The following MGMT variants were observed in gnomAD, a reference collection of about 807,000 sequenced individuals.
MGMT encodes O-6-methylguanine-DNA methyltransferase, also known as methylated-DNA--protein-cysteine methyltransferase.
In MGMT, 14 loss-of-function variants were observed where a neutral mutation model predicts 15.9. The ratio of observed to expected loss-of-function variants is 0.88; its 90% confidence interval spans 0.58 to 1.37. The LOEUF is 1.37. Among genes scored for constraint, MGMT ranks in the 40% most tolerant of loss-of-function variants. The pLI, the probability that MGMT is intolerant of heterozygous loss-of-function variation, is 0.00. For missense variants in MGMT, 282 were observed against 268.1 expected (o/e 1.05, Z -0.36); for synonymous variants, 130 against 118.2 (o/e 1.10, Z -0.65).
At chr10:129,720,942 G>GAA (rs5788995) in intron 3 of MGMT, among the ~76,000 whole-genome samples, 87 of 144,232 alleles carry the variant, frequency 6.0e-4, no homozygotes, top group African/African-American at 2.2e-3. Flanking sequence ...ATGTCAGGGG[G>GAA]AAAAAAAAAA....
At chr10:129,477,089 G>C (rs2119626309) in intron 1 of MGMT, among the ~76,000 whole-genome samples, 1 of 152,254 alleles carries the variant, frequency 6.6e-6, no homozygotes, top group African/African-American at 2.4e-5. Flanking sequence ...GGTTGGGTGA[G>C]TGGGGGACTC....
chr10:129,560,954 AGTGTGTGTGTGTGTGTGTGTGTGT>A (rs57984603), intron 2 of MGMT, among the ~76,000 whole-genome samples: 13 of 133,220 alleles, frequency 9.8e-5, no homozygotes, highest in African/African-American at 3.3e-4. Context: ...AGTAAAGAGC[AGTGTGTGTGTGTGTGTGTGTGTGT>A]GTGTGTGTGT....
intron 3 of MGMT, among the ~76,000 whole-genome samples, chr10:129,727,600 A>G (rs1321448056): frequency 6.6e-6 from 1 of 152,220 alleles, no homozygotes; most frequent in Non-Finnish European, 1.5e-5. Context: ...ACTTCCTTTC[A>G]TAGCTGGTCC....
intron 1 of MGMT, among the ~76,000 whole-genome samples, chr10:129,484,801 T>A (rs959098072): frequency 2.6e-5 from 4 of 152,114 alleles, no homozygotes; most frequent in East Asian, 1.9e-4. Context: ...ATGCTTTTTT[T>A]AAAAAAAGGT....
At chr10:129,564,276 TCC>T (rs1490029919) in intron 2 of MGMT, 2 of 51,518 alleles carry the variant, frequency 3.9e-5, no homozygotes, top group Non-Finnish European at 7.6e-5. Context: ...CTCCTCCTCT[TCC>T]CCCTCTCCTT....
intron 3 of MGMT, among the ~76,000 whole-genome samples, chr10:129,728,477 G>A (rs182756718): frequency 4.9e-4 from 75 of 152,188 alleles, no homozygotes; most frequent in Middle Eastern, 3.4e-3. Flanking sequence ...TTCAGGGGTC[G>A]CAGAAGAGGA....
chr10:129,552,256 G>A (rs1320530507), intron 2 of MGMT, among the ~76,000 whole-genome samples: 1 of 152,194 alleles, frequency 6.6e-6, no homozygotes, highest in African/African-American at 2.4e-5. Flanking sequence ...GAACCACTGG[G>A]CCGTGACTGT....
chr10:129,683,675 G>C (rs1164414798), intron 2 of MGMT, among the ~76,000 whole-genome samples: 2 of 152,144 alleles, frequency 1.3e-5, no homozygotes, highest in Non-Finnish European at 2.9e-5. Flanking sequence ...TGTGAACACT[G>C]GGTTTCCTGT....
At chr10:129,743,970 T>C (rs934740098) in intron 3 of MGMT, among the ~76,000 whole-genome samples, 2 of 152,216 alleles carry the variant, frequency 1.3e-5, no homozygotes, top group Non-Finnish European at 2.9e-5. Context: ...CATGCCTGGC[T>C]GGGATGGGAT....
At chr10:129,663,059 G>A (rs9971190) in intron 2 of MGMT, among the ~76,000 whole-genome samples, 56,152 of 152,022 alleles carry the variant, frequency 0.37, 10,951 homozygotes, top group South Asian at 0.44. Flanking sequence ...TCACAGATAC[G>A]TATTGAAATG....
intron 2 of MGMT, among the ~76,000 whole-genome samples, chr10:129,538,406 C>A (rs987372431): frequency 2.0e-5 from 3 of 152,212 alleles, no homozygotes; most frequent in African/African-American, 7.2e-5. Context: ...ATTGCCAAAA[C>A]TTTCTTCAGA....
rs529055562 is a variant in MGMT at position 129,593,112 on chromosome 10, G to A, written c.125+56735G>A. On this transcript the variant is annotated intron_variant, in intron 2 of 4. Coordinates refer to ENST00000651593, the MANE Select transcript of MGMT (RefSeq NM_002412.5). ...GTGTAGGGTGAGGGAGAAGCCCCAA[G>A]CCGTTTCTTCTCAGGGCTCAGGTGT... Among the ~76,000 whole-genome samples, 17 of 152,252 alleles carry A rather than the reference G, an allele frequency of 1.1e-4. No individual in the cohort carries two copies. In the South Asian group the frequency reaches 3.3e-3, roughly 30 times the overall value.
At chr10:129,579,507 A>G (rs975981201) in intron 2 of MGMT, among the ~76,000 whole-genome samples, 3 of 152,232 alleles carry the variant, frequency 2.0e-5, no homozygotes, top group African/African-American at 7.2e-5. Flanking sequence ...CCGTGCCTCC[A>G]TGCCTGCGGC....
chr10:129,620,229 T>A (rs1373599299), intron 2 of MGMT, among the ~76,000 whole-genome samples: 1 of 152,266 alleles, frequency 6.6e-6, no homozygotes, highest in African/African-American at 2.4e-5. Flanking sequence ...TTTTTTAATA[T>A]CACTCTGTTA....
At chr10:129,571,296 T>C (rs148517827) in intron 2 of MGMT, among the ~76,000 whole-genome samples, 1 of 152,206 alleles carries the variant, frequency 6.6e-6, no homozygotes, top group Non-Finnish European at 1.5e-5. Flanking sequence ...CGATATTTCC[T>C]GTAATAAACA....
At chr10:129,701,091 G>C (rs538996432) in intron 2 of MGMT, 1 of 152,344 alleles carries the variant, frequency 6.6e-6, no homozygotes, top group Admixed American at 6.5e-5. Flanking sequence ...CTGAAGTGCT[G>C]TGTGTGGCGA....
intron 1 of MGMT, among the ~76,000 whole-genome samples, chr10:129,502,596 C>T (rs563517147): frequency 6.6e-6 from 1 of 152,082 alleles, no homozygotes; most frequent in Non-Finnish European, 1.5e-5. Context: ...TGAGTCGTCT[C>T]TCCCTGAGGA....
intron 2 of MGMT, among the ~76,000 whole-genome samples, chr10:129,651,194 C>T (rs946197864): frequency 6.6e-6 from 1 of 152,180 alleles, no homozygotes; most frequent in African/African-American, 2.4e-5. Flanking sequence ...GGCCCCGACC[C>T]GGAGGCTCCT....
At chr10:129,593,202 G>T (rs999165759) in intron 2 of MGMT, among the ~76,000 whole-genome samples, 2 of 152,150 alleles carry the variant, frequency 1.3e-5, no homozygotes, top group Non-Finnish European at 2.9e-5. Context: ...GATGTTATCC[G>T]GACAGGAGAT....
Sources: allele counts gnomAD v4.1 joint callset (sites outside exome capture counted in the v4.1 genomes callset), GRCh38; gene constraint gnomAD v4.1.1; transcripts MANE v1.5; gene names NCBI Gene and HGNC (gene_info 2026-07-23, HGNC 2026-07-21).